Variants in MGAT4C observed in about 807,000 individuals in gnomAD.
MGAT4C encodes the protein MGAT4 family member C, also known as alpha-1,3-mannosyl-glycoprotein 4-beta-N-acetylglucosaminyltransferase C.
A neutral mutation model predicts 40.1 loss-of-function variants in MGAT4C; 19 were observed. The observed-to-expected ratio is 0.47, with a 90% CI of 0.33 to 0.70. The LOEUF (loss-of-function observed/expected upper bound fraction) is 0.70. MGAT4C is among the 30% of genes least tolerant of loss of function. The pLI, the probability that MGAT4C is intolerant of heterozygous loss-of-function variation, is 0.02. For synonymous variants in MGAT4C, 181 were observed against 187.1 expected, an observed-to-expected ratio of 0.97 and a Z score of 0.27; for missense variants, 491 against 563.2, an observed-to-expected ratio of 0.87 and a Z score of 1.30.
chr12:86,283,619 A>C (rs559553832), intron 4 of MGAT4C, among the ~76,000 whole-genome samples: 1 of 152,260 alleles, frequency 6.6e-6, no homozygotes, highest in Admixed American at 6.5e-5. Flanking sequence ...TCACATGCTT[A>C]GGCTAATTCT....
At chr12:86,021,905 C>T (rs61931106) in intron 2 of MGAT4C, among the ~76,000 whole-genome samples, 10,796 of 152,184 alleles carry the variant, frequency 0.071, 541 homozygotes, top group Middle Eastern at 0.24. Context: ...ATCAGGTAAA[C>T]TAACTTGAAT....
intron 1 of MGAT4C, among the ~76,000 whole-genome samples, chr12:86,105,079 G>C (rs1459927881): frequency 6.6e-6 from 1 of 152,054 alleles, no homozygotes; most frequent in Non-Finnish European, 1.5e-5. Context: ...ATATGTAAAG[G>C]CAGGTAAAAT....
rs997320200 is a variant in MGAT4C at position 85,959,119 on chromosome 12, C to T, written c.*20170G>A. 6.6e-6 allele frequency: 1 copy of T among 151,648 alleles called. No homozygotes were observed. The highest frequency in any genetic ancestry group is 2.4e-5 in the African/African-American group (1 of 41,338). 9.4% of individuals were successfully genotyped at this position (151,648 alleles called of 1,614,324 possible). ...ACTCAGCATCCAAACTTTATTTTAC[C>T]TTCAAGTTCTACCTGATAAAGTGGT... On this transcript the variant is annotated 3_prime_UTR_variant, in exon 5 of 5. Coordinates refer to ENST00000611864, the MANE Select transcript of MGAT4C (RefSeq NM_001351288.2).
At chr12:86,467,124 G>A (rs1355664341) in intron 2 of MGAT4C, among the ~76,000 whole-genome samples, 1 of 152,070 alleles carries the variant, frequency 6.6e-6, no homozygotes, top group Non-Finnish European at 1.5e-5. Flanking sequence ...AGTCCTTGAA[G>A]CTCCATATGA....
At chr12:86,641,027 G>T (rs921277093) in intron 2 of MGAT4C, among the ~76,000 whole-genome samples, 2 of 151,910 alleles carry the variant, frequency 1.3e-5, no homozygotes, top group African/African-American at 4.8e-5. Context: ...TTCCAAGTAT[G>T]TGGTCAATTT....
intron 1 of MGAT4C, among the ~76,000 whole-genome samples, chr12:86,248,251 T>C (rs1308618391): frequency 1.5e-5 from 2 of 131,700 alleles, no homozygotes; most frequent in Non-Finnish European, 3.2e-5. Flanking sequence ...TCCTTCCTTC[T>C]CTCAGGCAGC....
intron 1 of MGAT4C, among the ~76,000 whole-genome samples, chr12:86,091,117 G>T (rs962864391): frequency 2.0e-5 from 3 of 151,822 alleles, no homozygotes; most frequent in Admixed American, 2.0e-4. Flanking sequence ...GCCCACACAA[G>T]AAATATTCTA....
chr12:86,191,760 G>C (rs935823312), intron 1 of MGAT4C, among the ~76,000 whole-genome samples: 1 of 143,092 alleles, frequency 7.0e-6, no homozygotes. Context: ...AGGTGTGTGT[G>C]TGTGTGTGTG....
intron 1 of MGAT4C, among the ~76,000 whole-genome samples, chr12:86,069,731 C>T (rs1178903504): frequency 6.6e-6 from 1 of 152,078 alleles, no homozygotes; most frequent in Non-Finnish European, 1.5e-5. Flanking sequence ...AAAGTTACTA[C>T]TAGCATCTTG....
intron 2 of MGAT4C, among the ~76,000 whole-genome samples, chr12:86,630,430 G>T (rs139351658): frequency 6.6e-6 from 1 of 152,082 alleles, no homozygotes; most frequent in Non-Finnish European, 1.5e-5. Flanking sequence ...TGATACCAAA[G>T]CCTGGCAGAG....
intron 2 of MGAT4C, among the ~76,000 whole-genome samples, chr12:86,569,936 A>C (rs1960294016): frequency 6.6e-6 from 1 of 152,140 alleles, no homozygotes; most frequent in South Asian, 2.1e-4. Flanking sequence ...CTGTTAAGTA[A>C]AATAAACAAA....
chr12:86,116,786 C>T (rs965472094), intron 1 of MGAT4C, among the ~76,000 whole-genome samples: 3 of 152,118 alleles, frequency 2.0e-5, no homozygotes, highest in East Asian at 1.9e-4. Context: ...GTAATACTCA[C>T]GATAACATAC....
chr12:86,312,002 T>C (rs1017592408), intron 4 of MGAT4C, among the ~76,000 whole-genome samples: 1 of 151,186 alleles, frequency 6.6e-6, no homozygotes, highest in Non-Finnish European at 1.5e-5. Context: ...CAATATTAAA[T>C]AGAAAATAAA....
chr12:86,778,825 A>G (rs942050758), intron 1 of MGAT4C, among the ~76,000 whole-genome samples: 5 of 152,146 alleles, frequency 3.3e-5, no homozygotes, highest in Non-Finnish European at 7.4e-5. Context: ...CACTTTTAAT[A>G]TAATACAAAG....
intron 1 of MGAT4C, among the ~76,000 whole-genome samples, chr12:86,766,042 T>C (rs1951501317): frequency 6.6e-6 from 1 of 152,130 alleles, no homozygotes; most frequent in Non-Finnish European, 1.5e-5. Context: ...GTAAATGGAC[T>C]AAATGCTCCA....
intron 2 of MGAT4C, among the ~76,000 whole-genome samples, chr12:86,511,502 T>G (rs1462451188): frequency 6.6e-6 from 1 of 152,158 alleles, no homozygotes; most frequent in Non-Finnish European, 1.5e-5. Context: ...GTAACTGACA[T>G]GTTTTAAATC....
At chr12:86,603,511 C>CTATAGTCTATAGACTATA (rs1418801343) in intron 2 of MGAT4C, among the ~76,000 whole-genome samples, 23 of 22,302 alleles carry the variant, frequency 1.0e-3, no homozygotes, top group African/African-American at 1.8e-3. Flanking sequence ...TATATATAGT[C>CTATAGTCTATAGACTATA]TATAGTCTAT....
At chr12:86,256,179 C>G (rs947213564) in intron 1 of MGAT4C, 60 bp downstream of exon 1, 54 of 152,000 alleles carry the variant, frequency 3.6e-4, no homozygotes, top group African/African-American at 1.1e-3. Flanking sequence ...ATAATATTTT[C>G]TCTGTAAGAC....
chr12:86,516,593 A>G (rs1958691343), intron 2 of MGAT4C, among the ~76,000 whole-genome samples: 1 of 152,158 alleles, frequency 6.6e-6, no homozygotes, highest in African/African-American at 2.4e-5. Context: ...AAAAGCACAA[A>G]CAATAAAAGG....
Sources: allele counts gnomAD v4.1 joint callset (sites outside exome capture counted in the v4.1 genomes callset), GRCh38; gene constraint gnomAD v4.1.1; transcripts MANE v1.5; gene names NCBI Gene and HGNC (gene_info 2026-07-23, HGNC 2026-07-21).